Variants in KCNMB3 observed in about 807,000 individuals in gnomAD.
The protein encoded by KCNMB3 is calcium-activated potassium channel subunit beta-3.
A neutral mutation model predicts 11.9 loss-of-function variants in KCNMB3; 18 were observed. That is an observed-to-expected ratio of 1.51 (90% CI 1.04 to 2.23). The LOEUF is 2.23. KCNMB3 is among the 30% of genes most tolerant of loss of function. The pLI, the probability that KCNMB3 is intolerant of heterozygous loss-of-function variation, is 0.00. For missense variants in KCNMB3, 247 were observed against 329.4 expected (o/e 0.75, Z 1.94); for synonymous variants, 78 against 119.2 (o/e 0.65, Z 2.25).
intron 1 of KCNMB3, chr3:179,260,169 T>C (rs1726156954): frequency 1.2e-6 from 2 of 1,612,188 alleles, no homozygotes; most frequent in Admixed American, 3.3e-5. Flanking sequence ...CACCGCTGCC[T>C]CTCCCACATT....
At chr3:179,263,237 G>A (rs1349408242) in intron 1 of KCNMB3, among the ~76,000 whole-genome samples, 1 of 152,274 alleles carries the variant, frequency 6.6e-6, no homozygotes, top group Non-Finnish European at 1.5e-5. Context: ...ATTGAGCACA[G>A]CAGCTGCTGG....
downstream of KCNMB3, chr3:179,241,459 G>C: frequency 6.5e-6 from 1 of 154,350 alleles, no homozygotes. Context: ...AGCTAATTTA[G>C]TAATATGTGT....
chr3:179,262,083 GAAGA>G (rs764105161), intron 1 of KCNMB3, among the ~76,000 whole-genome samples: 27 of 152,228 alleles, frequency 1.8e-4, no homozygotes, highest in Non-Finnish European at 2.8e-4. Context: ...TAAACTACAA[GAAGA>G]AATAGACAAA....
rs777696269 is a variant in KCNMB3, at chr3:179,242,931, C to G, written c.801G>C (p.Arg267Ser). 7 of 1,607,508 alleles carry G rather than the reference C, an allele frequency of 4.4e-6. No individual in the cohort carries two copies. The East Asian group carries it at 8.9e-5, about 20-fold the overall frequency. ...QHQFKLCIMRRSKGRAEKS is the reference protein window; with the variant it reads ...QHQFKLCIMRSSKGRAEKS The stretch of plus-strand genomic sequence containing the variant: ...AAGATTTCTCTGCTCTTCCTTTGCT[C>G]CTCCTCATAATGCACAGTTTGAACT... Residue 267 changes from arginine (R) to serine (S), a missense_variant, in exon 3 of 3, where the codon AGG (arginine) becomes AGC (serine). Around this residue, in one of 2 missense-constraint regions of KCNMB3, gnomAD observed 87 missense variants for 171.9 expected, o/e 0.51. Coordinates refer to ENST00000392685, the MANE Select transcript of KCNMB3 (RefSeq NM_171830.2).
intron 1 of KCNMB3, chr3:179,260,058 T>C: frequency 6.2e-7 from 1 of 1,610,874 alleles, no homozygotes; most frequent in Non-Finnish European, 8.5e-7. Flanking sequence ...CTCTAACTGT[T>C]GGGGGACCTC....
At chr3:179,252,391 A>AC (rs111530979), upstream of KCNMB3, among the ~76,000 whole-genome samples, 14 of 152,170 alleles carry the variant, frequency 9.2e-5, no homozygotes, top group African/African-American at 3.4e-4. Flanking sequence ...TCAAGCAAAA[A>AC]CCCCATCAAG....
intron 1 of KCNMB3, among the ~76,000 whole-genome samples, chr3:179,250,382 A>C (rs1350404831): frequency 6.6e-6 from 1 of 152,226 alleles, no homozygotes; most frequent in Non-Finnish European, 1.5e-5. Context: ...TCAGACTCAA[A>C]AAACTTTTAT....
chr3:179,260,645 G>T, intron 1 of KCNMB3: 1 of 1,333,234 alleles, frequency 7.5e-7, no homozygotes, highest in Non-Finnish European at 1.1e-6. Flanking sequence ...GAGAGTGTCG[G>T]AAGTCTCTCC....
At chr3:179,265,148 TTTAA>T (rs1726337386) in intron 1 of KCNMB3, among the ~76,000 whole-genome samples, 1 of 152,224 alleles carries the variant, frequency 6.6e-6, no homozygotes, top group Admixed American at 6.5e-5. Flanking sequence ...AGTAATTCAT[TTTAA>T]TTGTCTGTTC....
At chr3:179,250,235 G>T (rs1274945069) in intron 1 of KCNMB3, among the ~76,000 whole-genome samples, 1 of 152,090 alleles carries the variant, frequency 6.6e-6, no homozygotes, top group African/African-American at 2.4e-5. Flanking sequence ...GTGGATTCCC[G>T]AAGTTCAAAC....
chr3:179,252,889 GC>G (rs1197723266), upstream of KCNMB3, among the ~76,000 whole-genome samples: 15 of 151,636 alleles, frequency 9.9e-5, no homozygotes, highest in African/African-American at 3.6e-4. Flanking sequence ...CCACCACCAC[GC>G]CCGGCTAATT....
At chr3:179,243,356 T>C in intron 2 of KCNMB3, 72 bp from the exon 3 acceptor site, 1 of 1,526,650 alleles carries the variant, frequency 6.6e-7, no homozygotes, top group South Asian at 1.2e-5. Flanking sequence ...TTTTTAATTA[T>C]GAAATAGCTT....
intron 1 of KCNMB3, among the ~76,000 whole-genome samples, chr3:179,265,622 TA>T (rs1418563554): frequency 6.6e-6 from 1 of 152,122 alleles, no homozygotes; most frequent in Non-Finnish European, 1.5e-5. Context: ...CATGCCCAGC[TA>T]ATTTTTGTAT....
exon 1 of KCNMB3, chr3:179,266,923 C>T (rs1726386362): frequency 2.1e-6 from 3 of 1,409,670 alleles, no homozygotes; most frequent in East Asian, 2.6e-5. Context: ...CCTGGCAAGG[C>T]GGAGCGGTCA....
intron 1 of KCNMB3, chr3:179,260,597 T>C (rs1726174714): frequency 2.7e-6 from 4 of 1,471,358 alleles, no homozygotes; most frequent in Non-Finnish European, 3.8e-6. Context: ...TAACTCTTCT[T>C]TCGTCATCTT....
At chr3:179,260,634 T>C in intron 1 of KCNMB3, 1 of 1,354,174 alleles carries the variant, frequency 7.4e-7, no homozygotes, top group South Asian at 1.2e-5. Context: ...CAAACATTAC[T>C]GAGAGTGTCG....
intron 1 of KCNMB3, among the ~76,000 whole-genome samples, chr3:179,261,502 T>C (rs1424759952): frequency 6.9e-6 from 1 of 144,138 alleles, no homozygotes; most frequent in East Asian, 1.9e-4. Context: ...GGCCGCGGGC[T>C]GAGCCTGGCC....
chr3:179,251,711 G>T, upstream of KCNMB3: 1 of 1,148,568 alleles, frequency 8.7e-7, no homozygotes, highest in Non-Finnish European at 1.1e-6. Context: ...GGCCTTCTCT[G>T]TCGTTTTTTG....
At chr3:179,245,062 T>G (rs1725590327) in intron 1 of KCNMB3, among the ~76,000 whole-genome samples, 1 of 152,226 alleles carries the variant, frequency 6.6e-6, no homozygotes, top group Admixed American at 6.5e-5. Flanking sequence ...TAGGTCTGAC[T>G]TGAGGCCCAG....
Sources: allele counts gnomAD v4.1 joint callset (sites outside exome capture counted in the v4.1 genomes callset), GRCh38; gene constraint gnomAD v4.1.1; regional missense constraint gnomAD v4.1.1; transcripts MANE v1.5; gene names NCBI Gene and HGNC (gene_info 2026-07-23, HGNC 2026-07-21).